BMP7: variants seen among roughly 807,000 people sequenced by gnomAD.
BMP7 encodes bone morphogenetic protein 7.
BMP7 carries 12 observed loss-of-function variants against 41.2 expected under a neutral mutation model. The ratio of observed to expected loss-of-function variants is 0.29; its 90% CI spans 0.19 to 0.47. BMP7 has a LOEUF of 0.47. Ranked by LOEUF, BMP7 falls within the 20% of genes least tolerant of loss-of-function variation. The pLI, the probability that BMP7 is intolerant of heterozygous loss-of-function variation, is 0.99. For synonymous variants in BMP7, 248 were observed against 250.0 expected (o/e 0.99, Z 0.07); for missense variants, 467 against 606.0 (o/e 0.77, Z 2.41).
At chr20:57,181,193 C>G (rs1984071659) in intron 4 of BMP7, among the ~76,000 whole-genome samples, 2 of 152,204 alleles carry the variant, frequency 1.3e-5, no homozygotes, top group South Asian at 4.1e-4. Flanking sequence ...GTCCCAGCTC[C>G]TTAGCAGGAT....
chr20:57,175,184 C>A (rs879812703), intron 4 of BMP7, among the ~76,000 whole-genome samples, 177 bp from the exon 5 acceptor site: 12 of 152,246 alleles, frequency 7.9e-5, no homozygotes, highest in Admixed American at 7.8e-4. Context: ...AAACTCATTT[C>A]TACCCCCAGC....
chr20:57,221,258 G>A (rs1439768108), intron 2 of BMP7, among the ~76,000 whole-genome samples: 11 of 152,218 alleles, frequency 7.2e-5, no homozygotes, highest in African/African-American at 1.4e-4. Flanking sequence ...AAAAAGAGGC[G>A]GCTCCAGGTG....
At chr20:57,188,819 CTGCAACCTCACTT>C (rs1984282275) in intron 3 of BMP7, among the ~76,000 whole-genome samples, 2 of 152,216 alleles carry the variant, frequency 1.3e-5, no homozygotes, top group Non-Finnish European at 2.9e-5. Flanking sequence ...AGGGCAGATG[CTGCAACCTCACTT>C]TGCAAAGGAG....
chr20:57,178,466 GGA>G (rs1423077539), intron 4 of BMP7, among the ~76,000 whole-genome samples: 1 of 152,120 alleles, frequency 6.6e-6, no homozygotes, highest in African/African-American at 2.4e-5. Flanking sequence ...AGCAGGGCTG[GGA>G]GAGAGAGAAC....
chr20:57,183,075 A>T (rs1984121592), intron 4 of BMP7, among the ~76,000 whole-genome samples: 1 of 152,186 alleles, frequency 6.6e-6, no homozygotes, highest in South Asian at 2.1e-4. Flanking sequence ...TCTCTACTAA[A>T]AATACAAAAA....
chr20:57,175,664 C>T (rs1193594369), intron 4 of BMP7, among the ~76,000 whole-genome samples: 4 of 152,236 alleles, frequency 2.6e-5, no homozygotes, highest in Non-Finnish European at 5.9e-5. Context: ...GTAAACATTG[C>T]AGAAGTGTCT....
At chr20:57,199,686 C>T (rs1320176624) in intron 3 of BMP7, among the ~76,000 whole-genome samples, 1 of 152,190 alleles carries the variant, frequency 6.6e-6, no homozygotes, top group Non-Finnish European at 1.5e-5. Flanking sequence ...TCGAAAATCC[C>T]GGACTCACTT....
chr20:57,263,167 G>A (rs779970817), intron 1 of BMP7, among the ~76,000 whole-genome samples: 6 of 152,186 alleles, frequency 3.9e-5, no homozygotes, highest in African/African-American at 1.4e-4. Context: ...AGGTCAGTGC[G>A]CTCTGTTAAA....
At chr20:57,211,280 C>G (rs956256876) in intron 2 of BMP7, among the ~76,000 whole-genome samples, 1 of 152,226 alleles carries the variant, frequency 6.6e-6, no homozygotes, top group Non-Finnish European at 1.5e-5. Flanking sequence ...AACTGAGGGG[C>G]AGGGAGGCTC....
intron 1 of BMP7, among the ~76,000 whole-genome samples, chr20:57,257,191 C>T (rs1341412987): frequency 2.0e-5 from 3 of 152,082 alleles, no homozygotes; most frequent in African/African-American, 7.2e-5. Flanking sequence ...GGATTTTTAA[C>T]GCACCAAGAT....
At chr20:57,183,627 A>C in intron 4 of BMP7, 95 bp downstream of exon 4, 4 of 1,511,096 alleles carry the variant, frequency 2.6e-6, no homozygotes. Flanking sequence ...TCTGGTGAGC[A>C]CCTGAATGGA....
At chr20:57,235,737 C>T (rs761468882) in intron 1 of BMP7, among the ~76,000 whole-genome samples, 3 of 152,112 alleles carry the variant, frequency 2.0e-5, no homozygotes, top group South Asian at 2.1e-4. Context: ...TTGCTGAGAA[C>T]GACAAGAAAA....
rs755248955 is a variant in BMP7, at chr20:57,173,234, A to G, written c.1112T>C (p.Met371Thr). The G allele has an allele frequency of 1.2e-6, 2 of 1,614,180 alleles. No individual in the cohort carries two copies. Among genetic ancestry groups the G allele is most frequent in the South Asian group, 2.2e-5 (2 of 91,086 alleles). ...CACGATGGCGTGGTTGGTGGCGTTC[A>G]TGTAGGAGTTCAGAGGGAAGGCACA... is the stretch of plus-strand genomic sequence containing the variant. ...GECAFPLNSY[M>T]NATNHAIVQT... Residue 371 changes from methionine to threonine, a missense_variant, in exon 6 of 7, where the codon ATG (methionine) becomes ACG (threonine). Physicochemically the swap from Met to Thr is moderately conservative, Grantham distance 81. Transcript: ENST00000395863.
chr20:57,222,913 C>T (rs1985223159), intron 2 of BMP7, among the ~76,000 whole-genome samples: 2 of 145,960 alleles, frequency 1.4e-5, no homozygotes, highest in South Asian at 4.2e-4. Context: ...TTAGCCAGTC[C>T]CTTTCCTGTG....
At chr20:57,249,234 C>G (rs892412070) in intron 1 of BMP7, among the ~76,000 whole-genome samples, 2 of 151,960 alleles carry the variant, frequency 1.3e-5, no homozygotes, top group African/African-American at 4.8e-5. Flanking sequence ...GTATAACACC[C>G]AGAGGGTCCT....
chr20:57,245,763 C>T (rs770107116), intron 1 of BMP7, among the ~76,000 whole-genome samples: 1 of 151,732 alleles, frequency 6.6e-6, no homozygotes, highest in Non-Finnish European at 1.5e-5. Context: ...CTCAGCCTCC[C>T]GAGTATCTGC....
At chr20:57,187,367 T>C (rs1984237409) in intron 3 of BMP7, among the ~76,000 whole-genome samples, 1 of 152,216 alleles carries the variant, frequency 6.6e-6, no homozygotes. Flanking sequence ...CAGTTGTGCC[T>C]TACATAGCCT....
rs956783921 is a variant in BMP7, at chr20:57,261,583, G to A, written c.418+4122C>T. Among the ~76,000 whole-genome samples, 3 of 152,204 alleles carry A rather than the reference G, an allele frequency of 2.0e-5. No homozygotes were observed. The highest frequency in any genetic ancestry group is 1.3e-4 in the Admixed American group (2 of 15,278). On this transcript the variant is annotated intron_variant, in intron 1 of 6. Coordinates refer to ENST00000395863, the MANE Select transcript of BMP7 (RefSeq NM_001719.3). This position sits in a 1 kb window ranked among gnomAD's most constrained non-coding sequence, Gnocchi z 4.1. ...AAAGAAGTGATTTTGAAAGGGTTAC[G>A]AAAAACACAGCTGTTGGTGCACTCC...
intron 4 of BMP7, among the ~76,000 whole-genome samples, chr20:57,180,561 C>T (rs558261738): frequency 1.7e-4 from 26 of 152,290 alleles, no homozygotes; most frequent in Middle Eastern, 3.4e-3. Flanking sequence ...GCAACCCCCT[C>T]CTTCCTGTCC....
Sources: gnomAD v4.1 joint callset for allele counts (sites outside exome capture counted in the v4.1 genomes callset) on GRCh38, gnomAD v4.1.1 for gene constraint, Gnocchi (gnomAD v3.1) non-coding constraint, MANE v1.5 for transcripts, NCBI Gene and HGNC (gene_info 2026-07-23, HGNC 2026-07-21) for gene names.